Variants in AUTS2 observed in about 807,000 individuals in gnomAD.
AUTS2 encodes the protein autism susceptibility gene 2 protein.
AUTS2 carries 17 observed loss-of-function variants against 112.4 expected under a neutral mutation model. That is an observed-to-expected ratio of 0.15 (90% CI 0.10 to 0.23). The LOEUF (loss-of-function observed/expected upper bound fraction) is 0.23, where lower values mean the gene tolerates loss of function less well. Among genes scored for constraint, AUTS2 ranks in the 10% least tolerant of loss-of-function variants. The pLI, the probability that AUTS2 is intolerant of heterozygous loss-of-function variation, is 1.00. For synonymous variants in AUTS2, 751 were observed against 702.7 expected (o/e 1.07, Z -1.09); for missense variants, 1,510 against 1,701.6 (o/e 0.89, Z 1.98).
At chr7:70,679,341 A>G (rs1808088114) in intron 5 of AUTS2, among the ~76,000 whole-genome samples, 1 of 152,190 alleles carries the variant, frequency 6.6e-6, no homozygotes, top group South Asian at 2.1e-4. Context: ...GCCCAGAGAG[A>G]AGGGAAGAGG....
At chr7:70,445,931 G>A (rs917188804) in intron 5 of AUTS2, among the ~76,000 whole-genome samples, 1 of 152,182 alleles carries the variant, frequency 6.6e-6, no homozygotes, top group Non-Finnish European at 1.5e-5. Flanking sequence ...AGCACAGGAA[G>A]AGCAGGGCTG....
At chr7:70,431,292 C>G (rs1795657683) in intron 4 of AUTS2, among the ~76,000 whole-genome samples, 1 of 152,276 alleles carries the variant, frequency 6.6e-6, no homozygotes, top group African/African-American at 2.4e-5. Flanking sequence ...GGGATTATAT[C>G]CTTAAGACTG....
intron 5 of AUTS2, among the ~76,000 whole-genome samples, chr7:70,645,277 C>G (rs1025943360): frequency 3.6e-5 from 5 of 137,308 alleles, no homozygotes; most frequent in African/African-American, 1.3e-4. Context: ...AGGAGAGCAT[C>G]TAAAACTCTG....
intron 5 of AUTS2, among the ~76,000 whole-genome samples, chr7:70,467,358 G>A (rs1169114441): frequency 6.6e-6 from 1 of 152,160 alleles, no homozygotes; most frequent in Non-Finnish European, 1.5e-5. Flanking sequence ...CAGACTCCAG[G>A]AAACCTCTAT....
At chr7:70,428,088 A>G (rs1246193933) in intron 4 of AUTS2, among the ~76,000 whole-genome samples, 1 of 152,222 alleles carries the variant, frequency 6.6e-6, no homozygotes, top group Non-Finnish European at 1.5e-5. Context: ...AGGCGTAGTT[A>G]CTGTTAAGAT....
chr7:70,165,140 A>T (rs1808313901), intron 4 of AUTS2, among the ~76,000 whole-genome samples: 1 of 152,222 alleles, frequency 6.6e-6, no homozygotes, highest in South Asian at 2.1e-4. Context: ...GACCTTGAGG[A>T]TAGGCTAATA....
chr7:70,597,940 A>G (rs1803284877), intron 5 of AUTS2, among the ~76,000 whole-genome samples: 1 of 152,258 alleles, frequency 6.6e-6, no homozygotes, highest in Non-Finnish European at 1.5e-5. Flanking sequence ...GCATATTGCA[A>G]GTGGGTTCAG....
intron 4 of AUTS2, among the ~76,000 whole-genome samples, chr7:70,431,937 C>A (rs375037134): frequency 1.3e-5 from 2 of 152,242 alleles, no homozygotes. Flanking sequence ...CGTCCTCTTT[C>A]TCTCCTTTTG....
chr7:70,719,468 C>T (rs1585566267), intron 6 of AUTS2, among the ~76,000 whole-genome samples: 1 of 147,284 alleles, frequency 6.8e-6, no homozygotes, highest in African/African-American at 2.5e-5. Context: ...ACACTCCCCA[C>T]CCCACCCACC....
intron 4 of AUTS2, among the ~76,000 whole-genome samples, chr7:70,386,000 C>A (rs1793590083): frequency 6.6e-6 from 1 of 152,132 alleles, no homozygotes; most frequent in South Asian, 2.1e-4. Flanking sequence ...GTCCTCTGTC[C>A]CCAGATATTC....
intron 1 of AUTS2, among the ~76,000 whole-genome samples, chr7:69,609,489 T>G (rs1298329998): frequency 6.6e-6 from 1 of 152,130 alleles, no homozygotes; most frequent in African/African-American, 2.4e-5. Context: ...AAAAAATAAA[T>G]ATTAGGGTGG....
intron 1 of AUTS2, among the ~76,000 whole-genome samples, chr7:69,806,571 A>G (rs142940254): frequency 1.2e-3 from 186 of 151,978 alleles, no homozygotes; most frequent in African/African-American, 4.2e-3. Context: ...GGTTTAGGTA[A>G]TTTACCCACA....
chr7:70,790,381 C>T lies in AUTS2; in HGVS notation c.3165C>T (p.Leu1055=), dbSNP rs1304891043. The change falls in exon 19 of 19, where the codon CTC becomes CTT. Residue 1055 remains leucine (L), a synonymous_variant. Transcript: ENST00000342771. This position sits in a 1 kb window ranked among gnomAD's most constrained non-coding sequence, Gnocchi z 7.6. ...CCCCCTTCATGGGCATCAGCCCCCT[C>T]CCGGGCGGAGAGCGCTTCCCGTACC... ...MMTPFMGISP[L]PGGERFPYPS... 2 of 1,613,894 alleles carry T rather than the reference C, an allele frequency of 1.2e-6. No individual in the cohort carries two copies. The highest frequency in any genetic ancestry group is 1.7e-6 in the Non-Finnish European group (2 of 1,179,996).
At chr7:70,553,086 G>C (rs774037478) in intron 5 of AUTS2, among the ~76,000 whole-genome samples, 2 of 152,284 alleles carry the variant, frequency 1.3e-5, no homozygotes, top group Non-Finnish European at 2.9e-5. Context: ...TGACAAATGA[G>C]GATATCAGCT....
At chr7:69,732,706 A>C (rs990324195) in intron 1 of AUTS2, among the ~76,000 whole-genome samples, 10 of 152,208 alleles carry the variant, frequency 6.6e-5, no homozygotes, top group Admixed American at 6.5e-4. Context: ...AATAAAAGCA[A>C]AAGCATTTAA....
chr7:70,524,360 A>G (rs777190982), intron 5 of AUTS2, among the ~76,000 whole-genome samples: 5 of 152,190 alleles, frequency 3.3e-5, no homozygotes, highest in Admixed American at 6.5e-5. Flanking sequence ...TTGGTCAGGT[A>G]TGTGTATTAG....
chr7:69,707,658 T>C (rs915167778), intron 1 of AUTS2, among the ~76,000 whole-genome samples: 1 of 152,228 alleles, frequency 6.6e-6, no homozygotes, highest in African/African-American at 2.4e-5. Context: ...AGGGATATAT[T>C]TGTGAACAAA....
intron 5 of AUTS2, among the ~76,000 whole-genome samples, chr7:70,463,625 T>C (rs1797059048): frequency 6.6e-6 from 1 of 152,220 alleles, no homozygotes; most frequent in Non-Finnish European, 1.5e-5. Flanking sequence ...TTTGAGGTCA[T>C]GGAAATGGAT....
intron 4 of AUTS2, among the ~76,000 whole-genome samples, chr7:70,231,759 TG>T (rs1419454327): frequency 0.06 from 13 of 218 alleles, no homozygotes; most frequent in East Asian, 0.42. Context: ...GAGGTTTTTT[TG>T]TTTGTTTGTT....
Sources: gnomAD v4.1 joint callset for allele counts (sites outside exome capture counted in the v4.1 genomes callset) on GRCh38, gnomAD v4.1.1 for gene constraint, Gnocchi (gnomAD v3.1) non-coding constraint, MANE v1.5 for transcripts, NCBI Gene and HGNC (gene_info 2026-07-23, HGNC 2026-07-21) for gene names.